Variants in FAM135A observed in about 807,000 individuals in gnomAD.
FAM135A encodes family with sequence similarity 135 member A.
FAM135A carries 79 observed loss-of-function variants against 146.8 expected under a neutral mutation model. That is an observed-to-expected ratio of 0.54 (90% confidence interval 0.45 to 0.65). The LOEUF (loss-of-function observed/expected upper bound fraction) is 0.65, where lower values mean the gene tolerates loss of function less well. Ranked by LOEUF, FAM135A falls within the 30% of genes least tolerant of loss-of-function variation. FAM135A has a pLI of 0.00. For missense variants in FAM135A, 1,623 were observed against 1,758.2 expected, an observed-to-expected ratio of 0.92 and a Z score of 1.38; for synonymous variants, 562 against 603.6, an observed-to-expected ratio of 0.93 and a Z score of 1.01.
chr6:70,490,850 A>AT (rs1278954232), intron 10 of FAM135A, among the ~76,000 whole-genome samples, 184 bp from the exon 11 acceptor site: 1 of 152,036 alleles, frequency 6.6e-6, no homozygotes, highest in Non-Finnish European at 1.5e-5. Context: ...ATTTATCAGA[A>AT]TGTAGAATTT....
intron 12 of FAM135A, among the ~76,000 whole-genome samples, chr6:70,515,996 A>G (rs918065516): frequency 6.6e-6 from 1 of 151,868 alleles, no homozygotes; most frequent in African/African-American, 2.4e-5. Context: ...GTCTCTTTCT[A>G]TTGGCTGATT....
At chr6:70,468,990 A>C (rs1288328718) in intron 5 of FAM135A, among the ~76,000 whole-genome samples, 2 of 152,200 alleles carry the variant, frequency 1.3e-5, no homozygotes, top group African/African-American at 4.8e-5. Context: ...TTCCCTTCTC[A>C]AGAAAGCATT....
intron 20 of FAM135A, among the ~76,000 whole-genome samples, chr6:70,550,733 C>G (rs1182828742): frequency 6.6e-6 from 1 of 152,224 alleles, no homozygotes; most frequent in East Asian, 1.9e-4. Context: ...AGAGAGTCAG[C>G]TTGCCCTTTG....
chr6:70,451,503 TAAC>T (rs1281099246), intron 4 of FAM135A, among the ~76,000 whole-genome samples: 2 of 152,312 alleles, frequency 1.3e-5, no homozygotes, highest in South Asian at 4.1e-4. Flanking sequence ...ATCTTAATCT[TAAC>T]AAGTCATCTA....
intron 4 of FAM135A, among the ~76,000 whole-genome samples, chr6:70,433,435 C>G (rs952803515): frequency 1.1e-4 from 16 of 152,014 alleles, no homozygotes; most frequent in African/African-American, 3.9e-4. Flanking sequence ...CAAATGAAAA[C>G]CAGGATGGCT....
chr6:70,452,598 A>G (rs771416162), intron 5 of FAM135A, 27 bp downstream of exon 5: 2 of 1,512,664 alleles, frequency 1.3e-6, no homozygotes, highest in Non-Finnish European at 1.8e-6. Context: ...ATTCAAATTT[A>G]AAAAGTAATC....
intron 5 of FAM135A, among the ~76,000 whole-genome samples, chr6:70,462,718 T>C (rs1434029313): frequency 6.6e-6 from 1 of 152,162 alleles, no homozygotes; most frequent in African/African-American, 2.4e-5. Flanking sequence ...TGTGTATATA[T>C]GTATTTCATT....
intron 20 of FAM135A, among the ~76,000 whole-genome samples, chr6:70,548,215 G>A (rs944355700): frequency 2.0e-5 from 3 of 152,094 alleles, no homozygotes; most frequent in Non-Finnish European, 4.4e-5. Flanking sequence ...TTCAAAAAGG[G>A]CCATAATATA....
At chr6:70,427,473 A>C (rs1293845063) in intron 3 of FAM135A, among the ~76,000 whole-genome samples, 2 of 151,774 alleles carry the variant, frequency 1.3e-5, no homozygotes, top group Non-Finnish European at 2.9e-5. Flanking sequence ...CGGGGATTGC[A>C]GTGAGCCGAG....
intron 2 of FAM135A, among the ~76,000 whole-genome samples, chr6:70,419,367 C>T (rs973164436): frequency 2.0e-5 from 3 of 151,674 alleles, no homozygotes; most frequent in Non-Finnish European, 4.4e-5. Context: ...TGGAGTGAGC[C>T]GAGATAGCGC....
At chr6:70,492,594 A>G (rs1786251963) in intron 11 of FAM135A, among the ~76,000 whole-genome samples, 1 of 151,708 alleles carries the variant, frequency 6.6e-6, no homozygotes. Context: ...AAAACAGGCT[A>G]ATGGTCAGTG....
At chr6:70,479,213 T>C (rs1404165121) in intron 8 of FAM135A, among the ~76,000 whole-genome samples, 1 of 152,204 alleles carries the variant, frequency 6.6e-6, no homozygotes, top group African/African-American at 2.4e-5. Context: ...TTTAAGGCCC[T>C]AATTAAACAG....
At chr6:70,502,841 C>T (rs1464785566) in intron 12 of FAM135A, 50 bp downstream of exon 12, 1 of 1,534,574 alleles carries the variant, frequency 6.5e-7, no homozygotes, top group Non-Finnish European at 8.8e-7. Context: ...TATTATTTAC[C>T]TTTAGAAAAT....
chr6:70,529,458 G>C (rs1159243830), intron 16 of FAM135A, among the ~76,000 whole-genome samples: 1 of 141,060 alleles, frequency 7.1e-6, no homozygotes. Context: ...AAAAAAACCA[G>C]ACTCTCAAGA....
chr6:70,553,101 A>T (rs575945283), intron 20 of FAM135A, among the ~76,000 whole-genome samples: 1 of 152,266 alleles, frequency 6.6e-6, no homozygotes, highest in South Asian at 2.1e-4. Context: ...TATATTTTTA[A>T]AGCACAATTG....
intron 11 of FAM135A, among the ~76,000 whole-genome samples, chr6:70,493,709 T>A (rs902928206): frequency 6.6e-6 from 1 of 152,174 alleles, no homozygotes; most frequent in African/African-American, 2.4e-5. Context: ...AATGGTAGAA[T>A]AGTTAAACAA....
intron 5 of FAM135A, 77 bp downstream of exon 5, chr6:70,452,648 G>T: frequency 9.9e-7 from 1 of 1,005,726 alleles, no homozygotes; most frequent in Non-Finnish European, 1.4e-6. Flanking sequence ...TTTCATTACA[G>T]ATATAAGATA....
rs115915081 is a variant in FAM135A, at chr6:70,501,321, C to T, written c.874-1315C>T. ...AGTGGAAAACCACCTACTAAAGCCT[C>T]AGTAATGGCAGACACCCCTCCCCTA... On this transcript the variant is annotated intron_variant, in intron 11 of 21. Transcript: ENST00000418814. 4.8e-3 allele frequency among the ~76,000 whole-genome samples: 727 copies of T among 152,278 alleles called. 8 individuals are homozygous for T. The highest frequency in any genetic ancestry group is 0.016 in the African/African-American group (674 of 41,550).
At chr6:70,509,028 C>T (rs1356162529) in intron 12 of FAM135A, among the ~76,000 whole-genome samples, 6 of 152,142 alleles carry the variant, frequency 3.9e-5, no homozygotes, top group African/African-American at 1.4e-4. Context: ...AATGCGTGCA[C>T]TGTTATTTAT....
Sources: allele counts gnomAD v4.1 joint callset (sites outside exome capture counted in the v4.1 genomes callset), GRCh38; gene constraint gnomAD v4.1.1; transcripts MANE v1.5; gene names NCBI Gene and HGNC (gene_info 2026-07-23, HGNC 2026-07-21).